COL14A1: variants seen among roughly 807,000 people sequenced by gnomAD.
The protein encoded by COL14A1 is collagen alpha-1(XIV) chain.
COL14A1 carries 136 observed loss-of-function variants against 230.3 expected under a neutral mutation model. The observed-to-expected ratio is 0.59, with a 90% CI of 0.51 to 0.68. COL14A1 has a LOEUF of 0.68. COL14A1 is among the 30% of genes least tolerant of loss of function. The pLI, the probability that COL14A1 is intolerant of heterozygous loss-of-function variation, is 0.00. For synonymous variants in COL14A1, 792 were observed against 784.1 expected (o/e 1.01, Z -0.17); for missense variants, 1,976 against 2,215.8 (o/e 0.89, Z 2.17).
At chr8:120,132,494 G>A (rs1814563644) in intron 1 of COL14A1, among the ~76,000 whole-genome samples, 1 of 150,804 alleles carries the variant, frequency 6.6e-6, no homozygotes, top group South Asian at 2.1e-4. Flanking sequence ...ATAATTTGAT[G>A]CCTTCAATTT....
chr8:120,247,994 A>G (rs575901782), intron 21 of COL14A1, among the ~76,000 whole-genome samples: 73 of 152,318 alleles, frequency 4.8e-4, no homozygotes, highest in African/African-American at 1.6e-3. Flanking sequence ...TTGGGTATAT[A>G]CATGACCTAA....
rs1324747859 is a variant in COL14A1, at chr8:120,262,960, T to G, written c.2962T>G (p.Tyr988Asp). The G allele has an allele frequency of 6.2e-7, 1 of 1,613,478 alleles. No individual in the cohort carries two copies. Among genetic ancestry groups the G allele is most frequent in the Non-Finnish European group, 8.5e-7 (1 of 1,179,804 alleles). ...QPDSEYKISV[Y>D]TKLQEIEGPS... is the part of the protein sequence containing the mutation. ...TGATTCTGAATATAAAATCAGTGTT[T>G]ATACAAAGCTCCAGGAGATTGAAGG... The change falls in exon 24 of 48, where the codon TAT becomes GAT. Residue 988 changes from tyrosine to aspartate, a missense_variant. By Grantham distance (160) the Tyr-to-Asp change is radical. Around this residue, in one of 3 missense-constraint regions of COL14A1, gnomAD observed 1,791 missense variants for 2,019.5 expected, o/e 0.89. Coordinates refer to ENST00000297848, the MANE Select transcript of COL14A1 (RefSeq NM_021110.4).
intron 1 of COL14A1, among the ~76,000 whole-genome samples, chr8:120,132,382 A>G (rs1023373596): frequency 2.0e-5 from 3 of 151,668 alleles, no homozygotes; most frequent in African/African-American, 7.3e-5. Flanking sequence ...GTGTGACTTT[A>G]TTTCTGTGTT....
At chr8:120,138,610 T>A (rs970889447) in intron 1 of COL14A1, among the ~76,000 whole-genome samples, 2 of 152,184 alleles carry the variant, frequency 1.3e-5, no homozygotes, top group African/African-American at 4.8e-5. Context: ...TATTCCTAAT[T>A]TAGAGTTTTT....
chr8:120,199,642 T>C, intron 8 of COL14A1, 76 bp downstream of exon 8: 1 of 1,446,080 alleles, frequency 6.9e-7, no homozygotes, highest in Non-Finnish European at 9.4e-7. Flanking sequence ...TAATGTGAAA[T>C]GCACTTCACT....
chr8:120,239,998 C>T (rs1818565466), intron 19 of COL14A1, among the ~76,000 whole-genome samples: 1 of 151,712 alleles, frequency 6.6e-6, no homozygotes, highest in Non-Finnish European at 1.5e-5. Context: ...TTTGGGTTGT[C>T]TCTAGATAAT....
At chr8:120,172,699 G>A (rs1043107870) in intron 5 of COL14A1, among the ~76,000 whole-genome samples, 11 of 152,178 alleles carry the variant, frequency 7.2e-5, no homozygotes, top group East Asian at 1.9e-4. Context: ...CCCACACAGA[G>A]CTTAGGCCAA....
Position 120,278,537 on chromosome 8 carries a change from A to C in COL14A1, c.3440A>C (p.Gln1147Pro). The C allele has an allele frequency of 6.2e-7, 1 of 1,613,106 alleles. No homozygotes were observed. The highest frequency in any genetic ancestry group is 2.2e-5 in the East Asian group (1 of 44,798). Reference protein sequence around the residue: ...VIVVITDGRSQDDVNKISREM... With the variant: ...VIVVITDGRSPDDVNKISREM... ...GTGGTTATAACTGATGGAAGATCAC[A>C]AGATGATGTGAACAAAATCTCCAGG... Residue 1147 changes from glutamine to proline, a missense_variant, in exon 28 of 48, where the codon CAA (glutamine) becomes CCA (proline). Transcript: ENST00000297848.
chr8:120,312,828 A>G (rs1030831641), intron 37 of COL14A1, among the ~76,000 whole-genome samples: 2 of 152,158 alleles, frequency 1.3e-5, no homozygotes, highest in African/African-American at 2.4e-5. Flanking sequence ...TGTCCCATGT[A>G]ACGTGTTCAC....
Position 120,371,281 on chromosome 8 carries a change from T to C in COL14A1, c.*50T>C, listed in dbSNP as rs1812146746. 1.4e-6 allele frequency: 2 copies of C among 1,472,140 alleles called. No individual in the cohort carries two copies. The highest frequency in any genetic ancestry group is 1.9e-6 in the Non-Finnish European group (2 of 1,064,116). 91.2% of individuals were successfully genotyped at this position (1,472,140 alleles called of 1,614,324 possible). A position where few individuals can be genotyped will look rare whatever the true frequency, so the allele number is the denominator to read the frequency against. ...CAACTGCAAGAACTCTTAAGGAATCTTGTTTGAGAAAATGTTGTTATGTGG... is the reference window on the plus strand; with the variant it reads ...CAACTGCAAGAACTCTTAAGGAATCCTGTTTGAGAAAATGTTGTTATGTGG... On this transcript the variant is annotated 3_prime_UTR_variant, in exon 48 of 48. Coordinates refer to ENST00000297848, the MANE Select transcript of COL14A1 (RefSeq NM_021110.4).
intron 40 of COL14A1, among the ~76,000 whole-genome samples, chr8:120,325,444 T>G: frequency 6.6e-6 from 1 of 151,802 alleles, no homozygotes; most frequent in Non-Finnish European, 1.5e-5. Flanking sequence ...TTTCCTAATA[T>G]TCATTGTACA....
At chr8:120,337,565 A>G (rs16893926) in intron 42 of COL14A1, among the ~76,000 whole-genome samples, 4,408 of 152,278 alleles carry the variant, frequency 0.029, 87 homozygotes, top group Non-Finnish European at 0.037. Context: ...GACTCTGTTT[A>G]ACAGACATCT....
At chr8:120,215,337 C>A (rs1047990185) in intron 13 of COL14A1, among the ~76,000 whole-genome samples, 3 of 151,342 alleles carry the variant, frequency 2.0e-5, no homozygotes, top group African/African-American at 7.3e-5. Context: ...TTCCACTGCA[C>A]CCCACCCTGG....
intron 28 of COL14A1, 88 bp from the exon 29 acceptor site, chr8:120,279,847 T>C (rs1819982894): frequency 1.4e-6 from 2 of 1,438,776 alleles, no homozygotes; most frequent in South Asian, 2.8e-5. Flanking sequence ...AATAAACATA[T>C]TTTAAACAGT....
chr8:120,268,182 T>C (rs1278962010), intron 25 of COL14A1, among the ~76,000 whole-genome samples: 1 of 151,784 alleles, frequency 6.6e-6, no homozygotes, highest in Non-Finnish European at 1.5e-5. Flanking sequence ...AGCAAAATTG[T>C]ACAACTCAGG....
rs962981103 is a variant in COL14A1 at position 120,371,541 on chromosome 8, A to G, written c.*310A>G. The G allele has an allele frequency of 3.0e-5, 12 of 398,028 alleles. No homozygotes were observed. Among genetic ancestry groups the G allele is most frequent in the Non-Finnish European group, 5.3e-5 (12 of 225,872 alleles). 24.7% of individuals were successfully genotyped at this position (398,028 alleles called of 1,614,324 possible). ...TGGGAAAAATAAATTGAACTCTGGA[A>G]TCTTCTCTCTCAAGTCCTAAAATGA... On this transcript the variant is annotated 3_prime_UTR_variant, in exon 48 of 48. Transcript: ENST00000297848.
At chr8:120,258,680 A>G (rs1374894833) in intron 23 of COL14A1, among the ~76,000 whole-genome samples, 1 of 152,226 alleles carries the variant, frequency 6.6e-6, no homozygotes, top group African/African-American at 2.4e-5. Context: ...TTCTCAGGAA[A>G]GACTGAAATA....
At chr8:120,167,273 G>A (rs1215305642) in intron 4 of COL14A1, among the ~76,000 whole-genome samples, 4 of 152,158 alleles carry the variant, frequency 2.6e-5, no homozygotes, top group Admixed American at 6.5e-5. Context: ...CCTGGAGAAG[G>A]CAGCAAGGGT....
chr8:120,141,804 G>A (rs1272642106), intron 1 of COL14A1, among the ~76,000 whole-genome samples: 1 of 152,170 alleles, frequency 6.6e-6, no homozygotes, highest in Non-Finnish European at 1.5e-5. Flanking sequence ...TTTCACAATA[G>A]GAGAAAAAGG....
Sources: gnomAD v4.1 joint callset for allele counts (sites outside exome capture counted in the v4.1 genomes callset) on GRCh38, gnomAD v4.1.1 for gene constraint, gnomAD v4.1.1 regional missense constraint, MANE v1.5 for transcripts, NCBI Gene and HGNC (gene_info 2026-07-23, HGNC 2026-07-21) for gene names.